Variants in ADGRB3 observed in about 807,000 individuals in gnomAD.
ADGRB3 encodes the protein adhesion G protein-coupled receptor B3.
ADGRB3 carries 37 observed loss-of-function variants against 193.4 expected under a neutral mutation model. The observed-to-expected ratio is 0.19, with a 90% CI of 0.15 to 0.25. The LOEUF is 0.25. Among genes scored for constraint, ADGRB3 ranks in the 10% least tolerant of loss-of-function variants. The pLI, the probability that ADGRB3 is intolerant of heterozygous loss-of-function variation, is 1.00. For missense variants in ADGRB3, 1,637 were observed against 1,852.9 expected (o/e 0.88, Z 2.14); for synonymous variants, 690 against 644.2 (o/e 1.07, Z -1.08).
At chr6:69,224,042 TATAAC>T (rs1320130019) in intron 17 of ADGRB3, among the ~76,000 whole-genome samples, 2 of 152,012 alleles carry the variant, frequency 1.3e-5, no homozygotes, top group Non-Finnish European at 2.9e-5. Context: ...AGTATAAAAA[TATAAC>T]AGAGCAAACA....
chr6:69,296,401 C>T (rs1483927987), intron 20 of ADGRB3, among the ~76,000 whole-genome samples: 3 of 151,968 alleles, frequency 2.0e-5, no homozygotes, highest in Non-Finnish European at 1.5e-5. Flanking sequence ...CTTTCTTATC[C>T]CACTTCTCCC....
intron 3 of ADGRB3, among the ~76,000 whole-genome samples, chr6:68,871,944 C>A (rs1765471699): frequency 6.6e-6 from 1 of 151,980 alleles, no homozygotes; most frequent in South Asian, 2.1e-4. Context: ...AGGTTTATTT[C>A]TTCATAAGGT....
intron 17 of ADGRB3, among the ~76,000 whole-genome samples, chr6:69,169,238 C>A (rs1171091798): frequency 6.6e-6 from 1 of 152,044 alleles, no homozygotes; most frequent in African/African-American, 2.4e-5. Flanking sequence ...TGCAATTTTA[C>A]AACTGACTAC....
At chr6:68,920,319 A>C (rs1450145307) in intron 3 of ADGRB3, among the ~76,000 whole-genome samples, 2 of 152,054 alleles carry the variant, frequency 1.3e-5, no homozygotes, top group Non-Finnish European at 2.9e-5. Flanking sequence ...GGAGTTCCAC[A>C]CCATCCTGGC....
At chr6:69,095,229 G>A (rs901833685) in intron 17 of ADGRB3, among the ~76,000 whole-genome samples, 1 of 152,178 alleles carries the variant, frequency 6.6e-6, no homozygotes. Context: ...ATGTAGAAAA[G>A]CAGCAGATTT....
chr6:69,233,493 T>C, intron 18 of ADGRB3, 77 bp downstream of exon 18: 1 of 1,562,442 alleles, frequency 6.4e-7, no homozygotes, highest in South Asian at 1.2e-5. Flanking sequence ...GGGAACTGCA[T>C]TTTAAATGGG....
chr6:68,993,724 T>A (rs1769304508), intron 10 of ADGRB3, 44 bp from the exon 11 acceptor site: 1 of 1,545,786 alleles, frequency 6.5e-7, no homozygotes, highest in African/African-American at 1.4e-5. Context: ...AGATAAATGG[T>A]AATGAAGATT....
At chr6:69,347,161 A>T (rs922666155) in intron 26 of ADGRB3, among the ~76,000 whole-genome samples, 2 of 152,126 alleles carry the variant, frequency 1.3e-5, no homozygotes, top group African/African-American at 4.8e-5. Flanking sequence ...GAACAATGAG[A>T]ACACATGGAC....
intron 20 of ADGRB3, among the ~76,000 whole-genome samples, chr6:69,282,137 T>G (rs1767449736): frequency 6.6e-6 from 1 of 152,190 alleles, no homozygotes; most frequent in South Asian, 2.1e-4. Flanking sequence ...CATCCCACTC[T>G]GTTTTCTCAA....
At chr6:68,639,734 G>A (rs1022913146) in intron 3 of ADGRB3, among the ~76,000 whole-genome samples, 1 of 151,998 alleles carries the variant, frequency 6.6e-6, no homozygotes, top group Non-Finnish European at 1.5e-5. Flanking sequence ...AGGGAGAGGG[G>A]TTTCTTTATT....
intron 29 of ADGRB3, 115 bp downstream of exon 29, chr6:69,361,627 T>G: frequency 8.0e-7 from 1 of 1,249,260 alleles, no homozygotes; most frequent in Non-Finnish European, 1.1e-6. Flanking sequence ...GAAGAGAAGA[T>G]TCACATTAGC....
chr6:69,088,530 G>A lies in ADGRB3; in HGVS notation c.2480+12492G>A, dbSNP rs548073692. ...TGGGACTACAGGCAGGTGCCACCAC[G>A]CCTGGCTAATTTTTTGTATTATTAG... On this transcript the variant is annotated intron_variant, in intron 17 of 31. Transcript: ENST00000370598. 2.7e-3 allele frequency among the ~76,000 whole-genome samples: 404 copies of A among 152,074 alleles called. 1 individual carries two copies. Among genetic ancestry groups the A allele is most frequent in the South Asian group, 7.9e-3 (38 of 4,806 alleles).
intron 13 of ADGRB3, among the ~76,000 whole-genome samples, chr6:69,025,624 C>G (rs1248434136): frequency 6.6e-6 from 1 of 151,380 alleles, no homozygotes; most frequent in Non-Finnish European, 1.5e-5. Context: ...TGCCTTCTGG[C>G]TCTTTACCAC....
At chr6:68,830,495 A>C (rs1767932207) in intron 3 of ADGRB3, among the ~76,000 whole-genome samples, 2 of 152,138 alleles carry the variant, frequency 1.3e-5, no homozygotes, top group African/African-American at 4.8e-5. Flanking sequence ...TTTTAGTTTA[A>C]ATTAAAATAA....
At chr6:68,991,892 A>T (rs1053196606) in intron 10 of ADGRB3, among the ~76,000 whole-genome samples, 1 of 152,210 alleles carries the variant, frequency 6.6e-6, no homozygotes, top group Non-Finnish European at 1.5e-5. Context: ...GAACTCAATT[A>T]CATAAATAAT....
intron 17 of ADGRB3, among the ~76,000 whole-genome samples, chr6:69,089,795 A>G (rs952034345): frequency 6.6e-6 from 1 of 152,192 alleles, no homozygotes; most frequent in Non-Finnish European, 1.5e-5. Flanking sequence ...GGTGTTAAGC[A>G]GCATACCTGG....
intron 11 of ADGRB3, among the ~76,000 whole-genome samples, chr6:69,000,964 C>T (rs1769558533): frequency 6.6e-6 from 1 of 152,034 alleles, no homozygotes; most frequent in Non-Finnish European, 1.5e-5. Context: ...CCACATAATA[C>T]CATTATTGCT....
chr6:68,779,023 G>T (rs181000369), intron 3 of ADGRB3, among the ~76,000 whole-genome samples: 1 of 151,994 alleles, frequency 6.6e-6, no homozygotes, highest in South Asian at 2.1e-4. Context: ...TTGGCAAGAA[G>T]AAATCACCTA....
intron 13 of ADGRB3, among the ~76,000 whole-genome samples, chr6:69,025,893 T>C (rs1770418928): frequency 6.6e-6 from 1 of 152,174 alleles, no homozygotes; most frequent in South Asian, 2.1e-4. Context: ...GGTGACATTG[T>C]GAAAGGCTAT....
Sources: allele counts gnomAD v4.1 joint callset (sites outside exome capture counted in the v4.1 genomes callset), GRCh38; gene constraint gnomAD v4.1.1; transcripts MANE v1.5; gene names NCBI Gene and HGNC (gene_info 2026-07-23, HGNC 2026-07-21).